PHKA1: variants seen among roughly 807,000 people sequenced by gnomAD.
PHKA1 encodes the protein phosphorylase kinase regulatory subunit alpha 1, also known as phosphorylase b kinase regulatory subunit alpha, skeletal muscle isoform.
In PHKA1, 60 loss-of-function variants were observed where a neutral mutation model predicts 110.2. That is an observed-to-expected ratio of 0.54 (90% CI 0.44 to 0.68). The LOEUF is 0.68. Among genes scored for constraint, PHKA1 ranks in the 30% least tolerant of loss-of-function variants. The pLI is 0.00. For synonymous variants in PHKA1, 316 were observed against 333.6 expected (o/e 0.95, Z 0.58); for missense variants, 801 against 942.5 (o/e 0.85, Z 1.97).
chrX:72,653,617 A>AT (rs1284222145), intron 10 of PHKA1, 87 bp from the exon 11 acceptor site: 68 of 579,513 alleles, frequency 1.2e-4, no homozygotes, highest in Non-Finnish European at 1.7e-4. Context: ...AGAAGGTCCT[A>AT]TTGCAAAGGA....
chrX:72,705,374 C>A, intron 2 of PHKA1, 129 bp from the exon 3 acceptor site: 1 of 473,375 alleles, frequency 2.1e-6, no homozygotes. Flanking sequence ...ATTTACATGA[C>A]ATTTACTTTA....
Position 72,584,388 on chromosome X carries a change from A to C in PHKA1, c.3244-86T>G, listed in dbSNP as rs782768228. 84 of 855,481 alleles carry C rather than the reference A, an allele frequency of 9.8e-5. 1 individual carries two copies. The African/African-American group carries it at 1.6e-3, about 16-fold the overall frequency. The allele number at this position is 855,481 out of a possible 1,213,427, so 70.5% of individuals were successfully genotyped here. On this transcript the variant is annotated intron_variant, in intron 29 of 31. Coordinates refer to ENST00000373542, the MANE Select transcript of PHKA1 (RefSeq NM_002637.4). ...CGGGGAGGCTATGAGGAGACGCTGTATTTCTAAGTGTGCCTCATGTGGTAT... is the reference window on the plus strand; with the variant it reads ...CGGGGAGGCTATGAGGAGACGCTGTCTTTCTAAGTGTGCCTCATGTGGTAT...
At chrX:72,698,113 A>G (rs1377675452) in intron 3 of PHKA1, among the ~76,000 whole-genome samples, 1 of 110,753 alleles carries the variant, frequency 9.0e-6, no homozygotes, top group African/African-American at 3.3e-5. Context: ...GTTTCCTTCA[A>G]TGTGCAAATT....
At chrX:72,661,688 CA>C (rs782009721) in intron 8 of PHKA1, among the ~76,000 whole-genome samples, 1,096 of 28,331 alleles carry the variant, frequency 0.039, 17 homozygotes, top group African/African-American at 0.12. Context: ...TAAAAAAAAA[CA>C]AAAAAAAAAC....
intron 16 of PHKA1, among the ~76,000 whole-genome samples, chrX:72,630,941 G>T (rs1034901966): frequency 1.2e-3 from 120 of 96,707 alleles, no homozygotes; most frequent in African/African-American, 4.2e-3. Flanking sequence ...GTTAAAAAAT[G>T]TTAAATCTTT....
intron 10 of PHKA1, among the ~76,000 whole-genome samples, chrX:72,654,998 C>T (rs1468982749): frequency 2.7e-5 from 3 of 109,697 alleles, no homozygotes; most frequent in African/African-American, 9.9e-5. Flanking sequence ...GGGGTTTCAC[C>T]GTTTTAGCCG....
In PHKA1 at chrX:72,579,060, G is replaced by A. The variant is rs1556196220; in HGVS notation, c.*1942C>T. On this transcript the variant is annotated 3_prime_UTR_variant, in exon 32 of 32. Transcript: ENST00000373542. ...AAATGCAGCCCTTCGAGTAAGTTCA[G>A]GCAAATGAGTGTGGGAAGGAGTGGA... 8.9e-6 allele frequency: 1 copy of A among 111,980 alleles called. No individual in the cohort carries two copies. Among genetic ancestry groups the A allele is most frequent in the Non-Finnish European group, 1.9e-5 (1 of 53,241 alleles). The allele number at this position is 111,980 out of a possible 1,213,427, so 9.2% of individuals were successfully genotyped here.
At chrX:72,649,826 T>C (rs781843035) in intron 13 of PHKA1, among the ~76,000 whole-genome samples, 3 of 110,328 alleles carry the variant, frequency 2.7e-5, no homozygotes, top group East Asian at 5.7e-4. Context: ...ACCCCGTCTC[T>C]ACTAAAAATA....
At chrX:72,627,811 C>CTTTTTTTTT (rs1160541868) in intron 16 of PHKA1, among the ~76,000 whole-genome samples, 1 of 67,868 alleles carries the variant, frequency 1.5e-5, no homozygotes, top group African/African-American at 7.2e-5. Context: ...TTTTCCTACA[C>CTTTTTTTTT]TTTTTTTTTT....
chrX:72,621,811 C>T, intron 18 of PHKA1: 1 of 750,114 alleles, frequency 1.3e-6, no homozygotes, highest in Non-Finnish European at 1.6e-6. Context: ...TGGAGAGAAG[C>T]TCTTTACCCA....
intron 29 of PHKA1, among the ~76,000 whole-genome samples, chrX:72,585,465 A>G (rs2052411019): frequency 8.9e-6 from 1 of 112,245 alleles, no homozygotes; most frequent in Non-Finnish European, 1.9e-5. Context: ...CAAGATGGCC[A>G]AATAGGAACA....
rs782183489 is a variant in PHKA1 at position 72,690,959 on chromosome X, G to A, written c.454+4749C>T. On this transcript the variant is annotated intron_variant, in intron 4 of 31. Transcript: ENST00000373542. ...ATTTTTGTATTCTTAGTAGAGACGG[G>A]GTTTTGCCATGTTGGCCAGGCTGGT... Among the ~76,000 whole-genome samples, 4 of 111,823 alleles carry A rather than the reference G, an allele frequency of 3.6e-5. No homozygotes were observed. In the East Asian group the frequency reaches 1.1e-3, roughly 32 times the overall value.
At position 72,623,389 on chromosome X, in the gene PHKA1, C is replaced by T. The variant is rs939398921; in HGVS notation, c.1794-114G>A. On this transcript the variant is annotated intron_variant, in intron 17 of 31. Coordinates refer to ENST00000373542, the MANE Select transcript of PHKA1 (RefSeq NM_002637.4). ...GTTTTGTTGGGGGATTACTAATGTG[C>T]ATACATTAATATAAATTTTATAAAA... 1.8e-4 allele frequency: 96 copies of T among 533,010 alleles called. No homozygotes were observed. In the Admixed American group the frequency reaches 3.1e-3, roughly 17 times the overall value. The allele number at this position is 533,010 out of a possible 1,213,427, so 43.9% of individuals were successfully genotyped here.
At chrX:72,596,790 C>T (rs2052594983) in intron 28 of PHKA1, among the ~76,000 whole-genome samples, 1 of 111,418 alleles carries the variant, frequency 9.0e-6, no homozygotes, top group South Asian at 3.8e-4. Context: ...CAAGCTGATC[C>T]TAACATTCAT....
rs141502242 is a variant in PHKA1, at chrX:72,617,331, C to T, written c.2369+1379G>A. ...AAAAGGAGATATATAGCCTGGGTAA[C>T]ATAGTAAGACCTCATTTCTATAAAT... is the stretch of plus-strand genomic sequence containing the variant. On this transcript the variant is annotated intron_variant, in intron 21 of 31. Transcript: ENST00000373542. 3.2e-3 allele frequency among the ~76,000 whole-genome samples: 354 copies of T among 110,728 alleles called. 1 individual carries two copies. The highest frequency in any genetic ancestry group is 0.011 in the African/African-American group (343 of 30,455).
intron 1 of PHKA1, among the ~76,000 whole-genome samples, chrX:72,713,278 T>A (rs2054410791): frequency 1.8e-5 from 2 of 111,278 alleles, no homozygotes; most frequent in African/African-American, 6.6e-5. Flanking sequence ...ATACTTAAGA[T>A]CTACTCTCTT....
chrX:72,580,952 A>G lies in PHKA1; in HGVS notation c.*50T>C. On this transcript the variant is annotated 3_prime_UTR_variant, in exon 32 of 32. Transcript: ENST00000373542. ...TTTTAGTTCCATGCACAATCAACCG[A>G]GGCAGGGACCAGCTGTCAAAAGGCT... 1.8e-6 allele frequency: 2 copies of G among 1,103,990 alleles called. No individual in the cohort carries two copies. Among genetic ancestry groups the G allele is most frequent in the African/African-American group, 3.6e-5 (2 of 55,768 alleles). 91.0% of individuals were successfully genotyped at this position (1,103,990 alleles called of 1,213,427 possible).
At chrX:72,637,012 C>T (rs2053238546) in intron 14 of PHKA1, among the ~76,000 whole-genome samples, 2 of 111,679 alleles carry the variant, frequency 1.8e-5, no homozygotes, top group South Asian at 7.5e-4. Flanking sequence ...ACCAGGTTTT[C>T]CCACTACTCC....
At chrX:72,669,486 T>C (rs1367658808) in intron 6 of PHKA1, among the ~76,000 whole-genome samples, 1 of 107,135 alleles carries the variant, frequency 9.3e-6, no homozygotes, top group Non-Finnish European at 1.9e-5. Context: ...CCCAGTAACT[T>C]GTCATTTAGC....
Sources: gnomAD v4.1 joint callset for allele counts (sites outside exome capture counted in the v4.1 genomes callset) on GRCh38, gnomAD v4.1.1 for gene constraint, MANE v1.5 for transcripts, NCBI Gene and HGNC (gene_info 2026-07-23, HGNC 2026-07-21) for gene names.